The following KCNH7 variants were observed in gnomAD, a reference collection of about 807,000 sequenced individuals.
KCNH7 encodes potassium voltage-gated channel subfamily H member 7.
In KCNH7, 49 loss-of-function variants were observed where a neutral mutation model predicts 120.8. The ratio of observed to expected loss-of-function variants is 0.41; its 90% CI spans 0.32 to 0.51. The LOEUF (loss-of-function observed/expected upper bound fraction) is 0.51. Ranked by LOEUF, KCNH7 falls within the 20% of genes least tolerant of loss-of-function variation. The probability of loss-of-function intolerance (pLI) is 0.38; values close to 1 mark genes in which losing one functional copy is unlikely to be tolerated. For synonymous variants in KCNH7, 547 were observed against 516.1 expected (o/e 1.06, Z -0.81); for missense variants, 1,097 against 1,446.6 (o/e 0.76, Z 3.92).
Position 162,836,559 on chromosome 2 carries a change from C to T in KCNH7, c.285G>A (p.Glu95=), listed in dbSNP as rs1241309548. 9.3e-6 allele frequency: 15 copies of T among 1,613,634 alleles called. No homozygotes were observed. Among genetic ancestry groups the T allele is most frequent in the Non-Finnish European group, 1.3e-5 (15 of 1,179,784 alleles). ...ALLGSEERKV[E]VTYYHKNGST... is the part of the protein sequence containing the mutation. ...TACCATTTTTGTGATAGTAGGTGAC[C>T]TCCACTTTCCTCTCTTCTGACCCCA... Residue 95 remains glutamate, a synonymous_variant, in exon 2 of 16, where the codon GAG becomes GAA. Transcript: ENST00000332142.
chr2:162,728,425 C>A (rs1687604702), intron 2 of KCNH7, among the ~76,000 whole-genome samples: 1 of 151,794 alleles, frequency 6.6e-6, no homozygotes, highest in African/African-American at 2.4e-5. Context: ...AATATTTTTC[C>A]CAGTAGGTGT....
intron 3 of KCNH7, among the ~76,000 whole-genome samples, chr2:162,524,567 A>G (rs1691638121): frequency 6.6e-6 from 1 of 152,024 alleles, no homozygotes; most frequent in South Asian, 2.1e-4. Flanking sequence ...ACACAAAATA[A>G]GGATGTGTGA....
chr2:162,784,364 T>C (rs1286952768), intron 2 of KCNH7, among the ~76,000 whole-genome samples: 1 of 152,136 alleles, frequency 6.6e-6, no homozygotes, highest in East Asian at 1.9e-4. Context: ...AGCTGGCTGA[T>C]TTACAGTGTG....
chr2:162,809,412 A>G (rs1684655069), intron 2 of KCNH7, among the ~76,000 whole-genome samples: 1 of 152,192 alleles, frequency 6.6e-6, no homozygotes, highest in East Asian at 1.9e-4. Flanking sequence ...AAATATCAGA[A>G]TGACATTTTA....
chr2:162,651,809 C>T (rs776221900), intron 2 of KCNH7, among the ~76,000 whole-genome samples: 7 of 152,150 alleles, frequency 4.6e-5, no homozygotes, highest in Non-Finnish European at 8.8e-5. Flanking sequence ...AGTTAATTTA[C>T]ACTCCCACCA....
chr2:162,381,448 A>C lies in KCNH7; in HGVS notation c.2963-1427T>G, dbSNP rs1041272506. On this transcript the variant is annotated intron_variant, in intron 13 of 15. Transcript: ENST00000332142. ...AATGCATCCTCTTTCTCCAAGTAGA[A>C]GACAGACATGTCTGTATTCTTTCTT... Among the ~76,000 whole-genome samples the C allele has an allele frequency of 2.8e-4, 43 of 152,124 alleles. 1 individual carries two copies. Among genetic ancestry groups the C allele is most frequent in the Non-Finnish European group, 1.5e-5 (1 of 67,992 alleles).
chr2:162,773,313 C>A (rs1156596167), intron 2 of KCNH7, among the ~76,000 whole-genome samples: 1 of 152,000 alleles, frequency 6.6e-6, no homozygotes. Context: ...TATGGTGAAA[C>A]CCTGTCTCTA....
chr2:162,458,014 A>C (rs1281822046), intron 6 of KCNH7, among the ~76,000 whole-genome samples: 1 of 152,150 alleles, frequency 6.6e-6, no homozygotes, highest in Non-Finnish European at 1.5e-5. Context: ...AATTGAATAA[A>C]ATATTAAAAT....
chr2:162,615,301 G>A (rs541016784), intron 2 of KCNH7, among the ~76,000 whole-genome samples: 16 of 152,254 alleles, frequency 1.1e-4, no homozygotes, highest in African/African-American at 3.6e-4. Context: ...AGTAACTACT[G>A]TATGTTTTTC....
intron 12 of KCNH7, among the ~76,000 whole-genome samples, chr2:162,386,721 G>A (rs1573900206): frequency 6.6e-6 from 1 of 151,770 alleles, no homozygotes; most frequent in Non-Finnish European, 1.5e-5. Flanking sequence ...ATGGATATTT[G>A]CAATGAATTT....
At chr2:162,802,732 C>T (rs1244354651) in intron 2 of KCNH7, among the ~76,000 whole-genome samples, 1 of 151,714 alleles carries the variant, frequency 6.6e-6, no homozygotes, top group Non-Finnish European at 1.5e-5. Flanking sequence ...GGATATATTA[C>T]ATTTTTGTAC....
chr2:162,569,583 GT>G (rs1693389723), intron 2 of KCNH7, among the ~76,000 whole-genome samples: 1 of 142,812 alleles, frequency 7.0e-6, no homozygotes, highest in African/African-American at 2.6e-5. Context: ...TTTTGAATGT[GT>G]TTGCTCTTGC....
intron 7 of KCNH7, among the ~76,000 whole-genome samples, chr2:162,438,698 A>G (rs1022034103): frequency 6.6e-6 from 1 of 152,158 alleles, no homozygotes; most frequent in Non-Finnish European, 1.5e-5. Context: ...AATGTAACAG[A>G]TGCCTTGCCT....
At chr2:162,509,898 A>G (rs1691010012) in intron 5 of KCNH7, among the ~76,000 whole-genome samples, 1 of 151,648 alleles carries the variant, frequency 6.6e-6, no homozygotes, top group African/African-American at 2.4e-5. Context: ...AAGCAGGGTT[A>G]CTTGAGATAG....
At chr2:162,448,860 A>C (rs1419800868) in intron 6 of KCNH7, among the ~76,000 whole-genome samples, 3 of 151,922 alleles carry the variant, frequency 2.0e-5, no homozygotes, top group Non-Finnish European at 4.4e-5. Flanking sequence ...GATGTGTGGG[A>C]AAATGGGAGT....
rs150873723 is a variant in KCNH7 at position 162,778,458 on chromosome 2, G to T, written c.307+58079C>A. Among the ~76,000 whole-genome samples, 300 of 152,086 alleles carry T rather than the reference G, an allele frequency of 2.0e-3. 1 individual carries two copies. The highest frequency in any genetic ancestry group is 7.1e-3 in the African/African-American group (293 of 41,510). On this transcript the variant is annotated intron_variant, in intron 2 of 15. Coordinates refer to ENST00000332142, the MANE Select transcript of KCNH7 (RefSeq NM_033272.4). ...AATGCAATCTATAAACAGCGTCTTG[G>T]GTTACCAGACAAGTCTAAATTCAAA...
At chr2:162,818,775 T>G (rs955585941) in intron 2 of KCNH7, among the ~76,000 whole-genome samples, 4 of 152,336 alleles carry the variant, frequency 2.6e-5, no homozygotes, top group Admixed American at 2.0e-4. Context: ...CTTATTCTAT[T>G]GGTGCTATTT....
At position 162,446,252 on chromosome 2, in the gene KCNH7, T is replaced by C; in HGVS notation, c.1320A>G (p.Lys440=). ...AFLLNDREEQ[K]RRECGYSCSP... is the part of the protein sequence containing the mutation. ...TACAAGAATAGCCACATTCTCGTCT[T>C]TTCTGTTCTTCTCTGTCATTGAGGA... The change falls in exon 7 of 16, where the codon AAA becomes AAG. Residue 440 remains lysine, a synonymous_variant. Transcript: ENST00000332142. 1 of 1,613,922 alleles carries C rather than the reference T, an allele frequency of 6.2e-7. No homozygotes were observed. Among genetic ancestry groups the C allele is most frequent in the Non-Finnish European group, 8.5e-7 (1 of 1,179,840 alleles).
chr2:162,482,662 A>G lies in KCNH7; in HGVS notation c.1128+21781T>C, dbSNP rs111751440. Among the ~76,000 whole-genome samples, 675 of 152,288 alleles carry G rather than the reference A, an allele frequency of 4.4e-3. 4 individuals are homozygous for G. The highest frequency in any genetic ancestry group is 0.016 in the Admixed American group (242 of 15,280). On this transcript the variant is annotated intron_variant, in intron 6 of 15. Coordinates refer to ENST00000332142, the MANE Select transcript of KCNH7 (RefSeq NM_033272.4). ...AATCAAGGTATGTGTCAGGTCACTC[A>G]GGTTAAGCATTAAGCCAAAGCAAGA...
Sources: allele counts gnomAD v4.1 joint callset (sites outside exome capture counted in the v4.1 genomes callset), GRCh38; gene constraint gnomAD v4.1.1; transcripts MANE v1.5; gene names NCBI Gene and HGNC (gene_info 2026-07-23, HGNC 2026-07-21).